Variants in CNTNAP4 observed in about 807,000 individuals in gnomAD.
The protein encoded by CNTNAP4 is contactin-associated protein-like 4.
A neutral mutation model predicts 148.4 loss-of-function variants in CNTNAP4; 98 were observed. The ratio of observed to expected loss-of-function variants is 0.66; its 90% confidence interval spans 0.56 to 0.78. CNTNAP4 has a LOEUF of 0.78. Among genes scored for constraint, CNTNAP4 ranks in the 30% least tolerant of loss-of-function variants. CNTNAP4 has a pLI of 0.00. For missense variants in CNTNAP4, 1,935 were observed against 1,565.6 expected (o/e 1.24, Z -3.98); for synonymous variants, 730 against 565.1 (o/e 1.29, Z -4.14).
At chr16:76,278,270 G>T (rs1365321727) in intron 1 of CNTNAP4, among the ~76,000 whole-genome samples, 1 of 152,198 alleles carries the variant, frequency 6.6e-6, no homozygotes, top group Non-Finnish European at 1.5e-5. Context: ...ACCAGCACTG[G>T]CTGAGGCGAG....
chr16:76,288,843 T>A (rs755456768), intron 1 of CNTNAP4, among the ~76,000 whole-genome samples: 8 of 152,154 alleles, frequency 5.3e-5, no homozygotes, highest in Non-Finnish European at 1.0e-4. Context: ...CTAGACAAAT[T>A]GGAAAATTGT....
chr16:76,444,031 A>T (rs2080144619), intron 4 of CNTNAP4, among the ~76,000 whole-genome samples: 1 of 152,210 alleles, frequency 6.6e-6, no homozygotes. Context: ...TGTATCAAAG[A>T]AGTATTTGAT....
chr16:76,281,578 T>G (rs1177891299), intron 1 of CNTNAP4, among the ~76,000 whole-genome samples: 1 of 152,094 alleles, frequency 6.6e-6, no homozygotes, highest in Admixed American at 6.6e-5. Flanking sequence ...ATTTTGGAAT[T>G]TATATCATAT....
chr16:76,444,385 G>C (rs1281062111), intron 4 of CNTNAP4, among the ~76,000 whole-genome samples: 1 of 150,778 alleles, frequency 6.6e-6, no homozygotes, highest in Non-Finnish European at 1.5e-5. Flanking sequence ...GTTCTACAAT[G>C]ACATTGAGAA....
At chr16:76,531,582 C>T (rs1439972515) in intron 17 of CNTNAP4, among the ~76,000 whole-genome samples, 11 of 152,114 alleles carry the variant, frequency 7.2e-5, no homozygotes. Flanking sequence ...AAGACAGTTC[C>T]AAACGTAATA....
intron 2 of CNTNAP4, among the ~76,000 whole-genome samples, chr16:76,332,946 G>A (rs1358295313): frequency 5.9e-5 from 9 of 152,140 alleles, no homozygotes; most frequent in African/African-American, 1.4e-4. Context: ...GTCAGGTGAC[G>A]GACTGACCAG....
At chr16:76,372,366 T>A (rs1463260873) in intron 3 of CNTNAP4, among the ~76,000 whole-genome samples, 1 of 151,264 alleles carries the variant, frequency 6.6e-6, no homozygotes, top group Non-Finnish European at 1.5e-5. Context: ...GCCAGGATGG[T>A]CTCGATTTCC....
At chr16:76,441,491 C>G (rs575419013) in intron 4 of CNTNAP4, among the ~76,000 whole-genome samples, 55 of 151,020 alleles carry the variant, frequency 3.6e-4, no homozygotes, top group African/African-American at 1.3e-3. Flanking sequence ...TTTTGAGTCT[C>G]TTCTTTCCTC....
At chr16:76,332,721 C>CT (rs80175538) in intron 2 of CNTNAP4, among the ~76,000 whole-genome samples, 26,788 of 151,568 alleles carry the variant, frequency 0.18, 2,891 homozygotes, top group East Asian at 0.32. Flanking sequence ...TCATTTTTTT[C>CT]TTTTTATCAT....
chr16:76,327,665 T>C (rs749683016), intron 2 of CNTNAP4, among the ~76,000 whole-genome samples: 5 of 152,186 alleles, frequency 3.3e-5, no homozygotes, highest in African/African-American at 7.2e-5. Context: ...TCCTCTGATA[T>C]TGATGGATGG....
intron 3 of CNTNAP4, among the ~76,000 whole-genome samples, chr16:76,424,281 T>A (rs1192901250): frequency 1.3e-5 from 2 of 152,114 alleles, no homozygotes; most frequent in Non-Finnish European, 1.5e-5. Context: ...TTGAAACAAA[T>A]GTGAGATCTT....
chr16:76,535,481 T>A, intron 17 of CNTNAP4, 64 bp from the exon 18 acceptor site: 1 of 1,556,198 alleles, frequency 6.4e-7, no homozygotes, highest in African/African-American at 1.4e-5. Flanking sequence ...CAGTTTTGTT[T>A]GGTCTTTAAA....
Position 76,410,822 on chromosome 16 carries a change from A to G in CNTNAP4, c.391-16630A>G, listed in dbSNP as rs62051222. On this transcript the variant is annotated intron_variant, in intron 3 of 23. Coordinates refer to ENST00000611870, the MANE Select transcript of CNTNAP4 (RefSeq NM_033401.5). The stretch of plus-strand genomic sequence containing the variant: ...AAAGTTGGTGGCAACTTAAAAAATA[A>G]TACTGTAGAGATAATTAATTTTTGT... Among the ~76,000 whole-genome samples, 1,337 of 151,802 alleles carry G rather than the reference A, an allele frequency of 8.8e-3. 10 individuals carry two copies. The highest frequency in any genetic ancestry group is 0.015 in the Non-Finnish European group (984 of 67,704).
chr16:76,423,740 A>G (rs2079275162), intron 3 of CNTNAP4, among the ~76,000 whole-genome samples: 1 of 152,200 alleles, frequency 6.6e-6, no homozygotes, highest in Non-Finnish European at 1.5e-5. Context: ...TATGTATGAA[A>G]AAATTTCAAC....
chr16:76,440,851 G>A (rs1289440190), intron 4 of CNTNAP4, among the ~76,000 whole-genome samples: 2 of 152,084 alleles, frequency 1.3e-5, no homozygotes, highest in African/African-American at 4.8e-5. Context: ...GGGGTGAGGA[G>A]GACATTGCTT....
chr16:76,341,795 A>C (rs1964489359), intron 2 of CNTNAP4, among the ~76,000 whole-genome samples: 1 of 152,218 alleles, frequency 6.6e-6, no homozygotes, highest in African/African-American at 2.4e-5. Flanking sequence ...GAGGATGTAA[A>C]GCAAGAGAAA....
chr16:76,459,180 G>A (rs1260315884), intron 8 of CNTNAP4, among the ~76,000 whole-genome samples: 4 of 152,152 alleles, frequency 2.6e-5, no homozygotes, highest in Non-Finnish European at 5.9e-5. Flanking sequence ...GAATATACAC[G>A]TGACACAGAG....
At chr16:76,354,116 G>T (rs1199539543) in intron 2 of CNTNAP4, among the ~76,000 whole-genome samples, 2 of 152,148 alleles carry the variant, frequency 1.3e-5, no homozygotes, top group Non-Finnish European at 2.9e-5. Flanking sequence ...CTTATTTGGG[G>T]TGCTATATAA....
intron 3 of CNTNAP4, among the ~76,000 whole-genome samples, chr16:76,365,089 A>G (rs1470392593): frequency 1.3e-5 from 2 of 152,202 alleles, no homozygotes; most frequent in Non-Finnish European, 2.9e-5. Flanking sequence ...AGCTTTCTGC[A>G]TACGGCTAGC....
Sources: gnomAD v4.1 joint callset for allele counts (sites outside exome capture counted in the v4.1 genomes callset) on GRCh38, gnomAD v4.1.1 for gene constraint, MANE v1.5 for transcripts, NCBI Gene and HGNC (gene_info 2026-07-23, HGNC 2026-07-21) for gene names.